Variants in TMED3 observed in about 807,000 individuals in gnomAD.
TMED3 encodes transmembrane p24 trafficking protein 3, also known as transmembrane emp24 domain-containing protein 3.
In TMED3, 9 loss-of-function variants were observed where a neutral mutation model predicts 15.0. The ratio of observed to expected loss-of-function variants is 0.60; its 90% confidence interval spans 0.36 to 1.04. TMED3 has a LOEUF of 1.04. Ranked by LOEUF, TMED3 falls within the 50% of genes least tolerant of loss-of-function variation. The pLI, the probability that TMED3 is intolerant of heterozygous loss-of-function variation, is 0.01. For synonymous variants in TMED3, 117 were observed against 121.4 expected (o/e 0.96, Z 0.24); for missense variants, 267 against 278.9 (o/e 0.96, Z 0.30).
intron 2 of TMED3, among the ~76,000 whole-genome samples, chr15:79,382,469 A>T (rs1567037096): frequency 6.6e-6 from 1 of 152,200 alleles, no homozygotes; most frequent in Non-Finnish European, 1.5e-5. Flanking sequence ...TACCCACATG[A>T]GCCCAATGCC....
chr15:79,331,300 T>A (rs1166439481), intron 2 of TMED3, among the ~76,000 whole-genome samples: 1 of 152,130 alleles, frequency 6.6e-6, no homozygotes, highest in African/African-American at 2.4e-5. Flanking sequence ...GCTGAGAACC[T>A]TCATTGGGAG....
intron 2 of TMED3, among the ~76,000 whole-genome samples, chr15:79,366,216 T>C (rs1893231459): frequency 6.6e-6 from 1 of 152,222 alleles, no homozygotes; most frequent in South Asian, 2.1e-4. Context: ...TACCTTGGCG[T>C]TATCAGTACT....
intron 2 of TMED3, among the ~76,000 whole-genome samples, chr15:79,375,479 G>C (rs1456727341): frequency 6.6e-6 from 1 of 152,106 alleles, no homozygotes; most frequent in Non-Finnish European, 1.5e-5. Flanking sequence ...CTGAGTCTGA[G>C]TAATGTATAA....
At chr15:79,384,054 G>A (rs1893586305) in intron 2 of TMED3, 1 of 152,196 alleles carries the variant, frequency 6.6e-6, no homozygotes, top group African/African-American at 2.4e-5. Flanking sequence ...AACTGTGGGA[G>A]GAAATTCAGT....
chr15:79,346,549 C>G (rs1418318095), intron 2 of TMED3, among the ~76,000 whole-genome samples: 1 of 152,222 alleles, frequency 6.6e-6, no homozygotes, highest in African/African-American at 2.4e-5. Flanking sequence ...GCCATGGGAA[C>G]TGTGAGTTCA....
intron 2 of TMED3, among the ~76,000 whole-genome samples, chr15:79,372,034 GC>G (rs1893348950): frequency 6.6e-6 from 1 of 152,248 alleles, no homozygotes; most frequent in East Asian, 1.9e-4. Flanking sequence ...AGTTTTCTTG[GC>G]CTCCATGCTA....
At chr15:79,352,106 A>T (rs935616303) in intron 2 of TMED3, among the ~76,000 whole-genome samples, 2 of 152,048 alleles carry the variant, frequency 1.3e-5, no homozygotes, top group Non-Finnish European at 2.9e-5. Flanking sequence ...AAACCTACCT[A>T]TTGGGGACGG....
chr15:79,411,444 C>T (rs969368424), exon 3 of TMED3: 2 of 702,430 alleles, frequency 2.8e-6, no homozygotes, highest in African/African-American at 3.5e-5. Context: ...AGATGGTCGA[C>T]TATATGCAGC....
At chr15:79,360,638 G>A (rs1893107346) in intron 2 of TMED3, among the ~76,000 whole-genome samples, 1 of 152,082 alleles carries the variant, frequency 6.6e-6, no homozygotes, top group Non-Finnish European at 1.5e-5. Context: ...CAACAGCAGT[G>A]CCTTAAGTGG....
intron 2 of TMED3, chr15:79,383,879 TG>T (rs1247998116): frequency 6.6e-6 from 1 of 152,226 alleles, no homozygotes; most frequent in East Asian, 1.9e-4. Context: ...TTCCAGAAAC[TG>T]GGGGTAAAGA....
intron 2 of TMED3, among the ~76,000 whole-genome samples, chr15:79,341,356 A>G (rs1320899546): frequency 1.3e-5 from 2 of 152,178 alleles, no homozygotes; most frequent in East Asian, 3.9e-4. Context: ...TAGGAAGAGA[A>G]GGTAAGATGG....
intron 2 of TMED3, among the ~76,000 whole-genome samples, chr15:79,401,585 T>A (rs112136587): frequency 2.7e-3 from 411 of 152,108 alleles, no homozygotes; most frequent in Non-Finnish European, 4.4e-3. Flanking sequence ...CTCCCCCAAC[T>A]ATGAATTATC....
chr15:79,411,225 G>A (rs1383330538), intron 2 of TMED3, among the ~76,000 whole-genome samples: 1 of 152,176 alleles, frequency 6.6e-6, no homozygotes, highest in African/African-American at 2.4e-5. Context: ...GCAGGTGAAT[G>A]TGTAAACTTT....
intron 2 of TMED3, among the ~76,000 whole-genome samples, chr15:79,400,199 G>T (rs1269489543): frequency 1.3e-5 from 2 of 152,074 alleles, no homozygotes; most frequent in Admixed American, 1.3e-4. Context: ...CACAGCACTG[G>T]TCCCTCCTAA....
At chr15:79,397,126 C>A (rs1308530788) in intron 2 of TMED3, among the ~76,000 whole-genome samples, 1 of 152,124 alleles carries the variant, frequency 6.6e-6, no homozygotes. Flanking sequence ...TGCTTAGCAC[C>A]TCTCAACTCA....
At position 79,322,493 on chromosome 15, in the gene TMED3, A is replaced by G. The variant is rs146312416; in HGVS notation, c.*279A>G. 1.7e-3 allele frequency: 2,176 copies of G among 1,256,248 alleles called. 4 individuals are homozygous for G. Among genetic ancestry groups the G allele is most frequent in the South Asian group, 2.7e-3 (124 of 45,320 alleles). The allele number at this position is 1,256,248 out of a possible 1,614,324, so 77.8% of individuals were successfully genotyped here. ...GCCACTGTGGGAGGGTGGACAGGCA[A>G]TGGTTCAGTGGCCTGGCTGTTGGCA... On this transcript the variant is annotated 3_prime_UTR_variant, in exon 3 of 3. Coordinates refer to ENST00000299705, the MANE Select transcript of TMED3 (RefSeq NM_007364.4).
At chr15:79,360,979 GT>G (rs1893117242) in intron 2 of TMED3, among the ~76,000 whole-genome samples, 1 of 147,476 alleles carries the variant, frequency 6.8e-6, no homozygotes. Context: ...CTCCCAAGCA[GT>G]TACAACTACA....
intron 2 of TMED3, among the ~76,000 whole-genome samples, chr15:79,375,470 T>A (rs774283227): frequency 6.6e-6 from 1 of 152,116 alleles, no homozygotes; most frequent in Non-Finnish European, 1.5e-5. Context: ...AAGAAATACC[T>A]GAGTCTGAGT....
chr15:79,390,279 C>A (rs555183298), intron 2 of TMED3, among the ~76,000 whole-genome samples: 1 of 152,032 alleles, frequency 6.6e-6, no homozygotes, highest in Admixed American at 6.5e-5. Context: ...GCTGATTTTG[C>A]TGAGAGTTAT....
Sources: gnomAD v4.1 joint callset for allele counts (sites outside exome capture counted in the v4.1 genomes callset) on GRCh38, gnomAD v4.1.1 for gene constraint, MANE v1.5 for transcripts, NCBI Gene and HGNC (gene_info 2026-07-23, HGNC 2026-07-21) for gene names.